Variants in SPIDR observed in about 807,000 individuals in gnomAD.
The protein encoded by SPIDR is DNA repair-scaffolding protein.
A neutral mutation model predicts 104.6 loss-of-function variants in SPIDR; 93 were observed. The observed-to-expected ratio is 0.89, with a 90% CI of 0.75 to 1.06. SPIDR has a LOEUF of 1.06. Among genes scored for constraint, SPIDR ranks in the 50% least tolerant of loss-of-function variants. The pLI, the probability that SPIDR is intolerant of heterozygous loss-of-function variation, is 0.00. For missense variants in SPIDR, 1,154 were observed against 1,111.2 expected (o/e 1.04, Z -0.55); for synonymous variants, 431 against 416.9 (o/e 1.03, Z -0.41).
intron 8 of SPIDR, among the ~76,000 whole-genome samples, chr8:47,553,617 A>G (rs1042761275): frequency 1.3e-5 from 2 of 152,162 alleles, no homozygotes; most frequent in Admixed American, 6.5e-5. Flanking sequence ...GGTCTTCTCT[A>G]CACTCTTTAT....
chr8:47,440,095 G>A (rs983045455), intron 7 of SPIDR, among the ~76,000 whole-genome samples: 7 of 152,148 alleles, frequency 4.6e-5, no homozygotes, highest in Non-Finnish European at 1.0e-4. Context: ...ATTTTATGCT[G>A]CTTAAAATCC....
At chr8:47,266,244 C>T (rs575792325) in intron 1 of SPIDR, among the ~76,000 whole-genome samples, 4 of 151,674 alleles carry the variant, frequency 2.6e-5, no homozygotes, top group African/African-American at 9.7e-5. Context: ...AATTCTCCTG[C>T]GTCAGCCTCC....
intron 8 of SPIDR, among the ~76,000 whole-genome samples, chr8:47,585,310 T>G (rs1446495668): frequency 6.6e-6 from 1 of 152,224 alleles, no homozygotes; most frequent in Non-Finnish European, 1.5e-5. Flanking sequence ...TTGGTGTTTT[T>G]TCTTAATATA....
chr8:47,271,374 C>A (rs900804945), intron 1 of SPIDR, among the ~76,000 whole-genome samples: 2 of 152,096 alleles, frequency 1.3e-5, no homozygotes, highest in African/African-American at 4.8e-5. Flanking sequence ...TCCCACAGGT[C>A]TCTGAGGCTC....
intron 7 of SPIDR, among the ~76,000 whole-genome samples, chr8:47,412,137 G>T (rs1467363565): frequency 6.6e-6 from 1 of 152,114 alleles, no homozygotes; most frequent in East Asian, 1.9e-4. Context: ...TGGCAATGCG[G>T]GCTCTTTTTT....
intron 7 of SPIDR, among the ~76,000 whole-genome samples, chr8:47,425,191 C>T (rs1585493808): frequency 1.3e-5 from 2 of 152,020 alleles, no homozygotes; most frequent in East Asian, 3.9e-4. Context: ...TTACTGGTCA[C>T]TATATCTGGT....
chr8:47,599,020 A>C lies in SPIDR; in HGVS notation c.1368A>C (p.Pro456=), dbSNP rs1426800002. 9.3e-6 allele frequency: 15 copies of C among 1,613,318 alleles called. No homozygotes were observed. Among genetic ancestry groups the C allele is most frequent in the Non-Finnish European group, 1.2e-5 (14 of 1,179,680 alleles). Reference sequence around the variant, plus strand: ...ACAAAGAAGCAAAACAGCGCATCCCAACCAGCACTCCCCTGAGGGATTCTC... The same window carrying C: ...ACAAAGAAGCAAAACAGCGCATCCCCACCAGCACTCCCCTGAGGGATTCTC... ...HGHKEAKQRI[P]TSTPLRDSLL... is the part of the protein sequence containing the mutation. Residue 456 remains proline, a synonymous_variant, in exon 10 of 20, where the codon CCA becomes CCC. Transcript: ENST00000297423.
At chr8:47,339,216 A>T (rs1488043899) in intron 5 of SPIDR, among the ~76,000 whole-genome samples, 1 of 152,220 alleles carries the variant, frequency 6.6e-6, no homozygotes, top group Non-Finnish European at 1.5e-5. Context: ...TGCCTTTTTT[A>T]GAAAAAACAA....
intron 7 of SPIDR, among the ~76,000 whole-genome samples, chr8:47,427,499 C>T (rs374778099): frequency 6.6e-6 from 1 of 152,068 alleles, no homozygotes. Context: ...TTTTATAGTG[C>T]GGTAGTTTTC....
chr8:47,283,942 AGT>A, intron 2 of SPIDR, 84 bp from the exon 3 acceptor site: 1 of 935,456 alleles, frequency 1.1e-6, no homozygotes, highest in Non-Finnish European at 1.7e-6. Context: ...TGTTAAGGAG[AGT>A]GTAGTTTAAG....
At chr8:47,282,602 G>T (rs1468787088) in intron 2 of SPIDR, among the ~76,000 whole-genome samples, 1 of 152,200 alleles carries the variant, frequency 6.6e-6, no homozygotes, top group Non-Finnish European at 1.5e-5. Context: ...TCTGGATTCT[G>T]CTCTGGCTTA....
intron 7 of SPIDR, among the ~76,000 whole-genome samples, chr8:47,417,441 G>C (rs2064555155): frequency 6.6e-6 from 1 of 152,150 alleles, no homozygotes; most frequent in Non-Finnish European, 1.5e-5. Flanking sequence ...AGAAGTGTCT[G>C]TTCATATCCT....
At chr8:47,290,896 T>C (rs1205827466) in intron 3 of SPIDR, 137 bp from the exon 4 acceptor site, 2 of 517,312 alleles carry the variant, frequency 3.9e-6, no homozygotes, top group East Asian at 3.0e-5. Flanking sequence ...GGTAGGAAGA[T>C]TTGACATAGA....
chr8:47,324,116 A>T (rs1221438446), intron 5 of SPIDR, among the ~76,000 whole-genome samples: 1 of 152,114 alleles, frequency 6.6e-6, no homozygotes, highest in East Asian at 1.9e-4. Context: ...AAAATTTCTT[A>T]TGAAATTAAG....
chr8:47,498,151 A>G (rs2079748871), intron 8 of SPIDR, among the ~76,000 whole-genome samples: 3 of 152,170 alleles, frequency 2.0e-5, no homozygotes, highest in South Asian at 4.2e-4. Flanking sequence ...GTTTTCTTAT[A>G]AGACTGGAGG....
intron 7 of SPIDR, among the ~76,000 whole-genome samples, chr8:47,409,675 T>A (rs533188482): frequency 4.3e-4 from 65 of 152,346 alleles, no homozygotes; most frequent in African/African-American, 1.5e-3. Flanking sequence ...TGTTCTCAAC[T>A]ATTATATTAC....
chr8:47,430,820 A>T (rs1554688678), intron 7 of SPIDR, among the ~76,000 whole-genome samples: 1 of 152,250 alleles, frequency 6.6e-6, no homozygotes, highest in Non-Finnish European at 1.5e-5. Flanking sequence ...CAGTGTGATT[A>T]CTGGACACCA....
intron 8 of SPIDR, among the ~76,000 whole-genome samples, chr8:47,585,041 A>G (rs2060121236): frequency 6.6e-6 from 1 of 152,248 alleles, no homozygotes; most frequent in Non-Finnish European, 1.5e-5. Context: ...AAAAAAATGT[A>G]TCTAGGATAA....
chr8:47,494,195 C>G (rs909233882), intron 8 of SPIDR, among the ~76,000 whole-genome samples: 1 of 150,942 alleles, frequency 6.6e-6, no homozygotes, highest in Non-Finnish European at 1.5e-5. Flanking sequence ...TCTATGTTGC[C>G]CAGGCTGGTC....
Sources: allele counts gnomAD v4.1 joint callset (sites outside exome capture counted in the v4.1 genomes callset), GRCh38; gene constraint gnomAD v4.1.1; transcripts MANE v1.5; gene names NCBI Gene and HGNC (gene_info 2026-07-23, HGNC 2026-07-21).